The following KLHL32 variants were observed in gnomAD, a reference collection of about 807,000 sequenced individuals.
The protein encoded by KLHL32 is kelch like family member 32, also known as kelch-like protein 32.
KLHL32 carries 35 observed loss-of-function variants against 64.8 expected under a neutral mutation model. That is an observed-to-expected ratio of 0.54 (90% confidence interval 0.41 to 0.72). The LOEUF (loss-of-function observed/expected upper bound fraction) is 0.72, where lower values mean the gene tolerates loss of function less well. Ranked by LOEUF, KLHL32 falls within the 30% of genes least tolerant of loss-of-function variation. The probability of loss-of-function intolerance (pLI) is 0.00; values close to 1 mark genes in which losing one functional copy is unlikely to be tolerated. For missense variants in KLHL32, 589 were observed against 768.5 expected, an observed-to-expected ratio of 0.77 and a Z score of 2.76; for synonymous variants, 259 against 281.0, an observed-to-expected ratio of 0.92 and a Z score of 0.78.
chr6:97,138,894 A>T (rs1800365463), intron 10 of KLHL32, among the ~76,000 whole-genome samples: 2 of 152,234 alleles, frequency 1.3e-5, no homozygotes, highest in African/African-American at 4.8e-5. Flanking sequence ...ATGCTTATAA[A>T]TATACATGTA....
chr6:97,014,307 A>AAC (rs1554217530), intron 3 of KLHL32, among the ~76,000 whole-genome samples: 1 of 151,742 alleles, frequency 6.6e-6, no homozygotes, highest in Admixed American at 6.6e-5. Flanking sequence ...AAAAAAAAAA[A>AAC]AAAGTTTCTT....
chr6:96,940,837 A>G (rs1379673327), intron 1 of KLHL32, among the ~76,000 whole-genome samples: 1 of 152,236 alleles, frequency 6.6e-6, no homozygotes, highest in East Asian at 1.9e-4. Flanking sequence ...TGCCCTGAAT[A>G]CATTCATAGA....
chr6:97,123,217 G>A (rs941026394), intron 7 of KLHL32, among the ~76,000 whole-genome samples: 2 of 152,168 alleles, frequency 1.3e-5, no homozygotes. Context: ...GAGCACTGCC[G>A]GCATTGACCA....
intron 2 of KLHL32, among the ~76,000 whole-genome samples, chr6:96,970,958 A>G (rs946856482): frequency 6.6e-6 from 1 of 152,146 alleles, no homozygotes; most frequent in African/African-American, 2.4e-5. Flanking sequence ...AATTTAAGTG[A>G]TTTAAGATGC....
intron 3 of KLHL32, among the ~76,000 whole-genome samples, chr6:97,027,710 T>C (rs1441932782): frequency 2.6e-5 from 4 of 152,262 alleles, no homozygotes; most frequent in African/African-American, 9.6e-5. Flanking sequence ...TTTTATTTTC[T>C]GTATAGTAAA....
the KLHL32 span, among the ~76,000 whole-genome samples, chr6:96,900,972 T>C: frequency 1.3e-5 from 2 of 152,178 alleles, no homozygotes; most frequent in Non-Finnish European, 2.9e-5. Context: ...TGATGCAGTG[T>C]TTTGGGTCTG....
At chr6:97,048,198 C>T (rs978302206) in intron 4 of KLHL32, among the ~76,000 whole-genome samples, 3 of 152,186 alleles carry the variant, frequency 2.0e-5, no homozygotes, top group Non-Finnish European at 4.4e-5. Context: ...GTCCCCTTTA[C>T]AATTCTCCAC....
Position 96,955,509 on chromosome 6 carries a change from A to T in KLHL32, c.-65-11487A>T, listed in dbSNP as rs573612735. Among the ~76,000 whole-genome samples, 7 of 152,306 alleles carry T rather than the reference A, an allele frequency of 4.6e-5. No homozygotes were observed. The South Asian group carries it at 1.5e-3, about 32-fold the overall frequency. ...TATTTCCTCAAGAGAAAGATGAAAA[A>T]AATATTTTAAATTAATGTTTCCTTA... On this transcript the variant is annotated intron_variant, in intron 1 of 10. Coordinates refer to ENST00000369261, the MANE Select transcript of KLHL32 (RefSeq NM_052904.4).
the KLHL32 span, among the ~76,000 whole-genome samples, chr6:96,899,275 T>G: frequency 6.6e-6 from 1 of 152,188 alleles, no homozygotes; most frequent in African/African-American, 2.4e-5. Context: ...GATTTCTATC[T>G]TTGATACTTT....
chr6:97,073,558 G>A (rs993136304), intron 5 of KLHL32, among the ~76,000 whole-genome samples: 22 of 152,012 alleles, frequency 1.4e-4, no homozygotes, highest in African/African-American at 4.8e-4. Flanking sequence ...GAAACAATTG[G>A]AAAAGTCTTT....
At chr6:97,071,661 C>G (rs1015175582) in intron 5 of KLHL32, among the ~76,000 whole-genome samples, 1 of 152,188 alleles carries the variant, frequency 6.6e-6, no homozygotes, top group Non-Finnish European at 1.5e-5. Context: ...AAGGGACCAT[C>G]ATCTTTCTAG....
At chr6:96,998,566 C>A (rs1456142356) in intron 3 of KLHL32, among the ~76,000 whole-genome samples, 1 of 152,116 alleles carries the variant, frequency 6.6e-6, no homozygotes, top group Admixed American at 6.5e-5. Flanking sequence ...CATTACCCTG[C>A]AGTTGTCTAA....
rs562616535 is a variant in KLHL32, at chr6:96,938,703, C to T, written c.-66+13677C>T. Among the ~76,000 whole-genome samples the T allele has an allele frequency of 7.2e-5, 11 of 152,232 alleles. No individual in the cohort carries two copies. In the South Asian group the frequency reaches 2.3e-3, roughly 32 times the overall value. On this transcript the variant is annotated intron_variant, in intron 1 of 10. Coordinates refer to ENST00000369261, the MANE Select transcript of KLHL32 (RefSeq NM_052904.4). ...GAAATAGACGGGCCTAAGCTTGAAT[C>T]CTGGTTCTTTCATATACAAGTTATT...
chr6:97,015,672 G>A (rs1781066549), intron 3 of KLHL32, among the ~76,000 whole-genome samples: 1 of 152,160 alleles, frequency 6.6e-6, no homozygotes, highest in African/African-American at 2.4e-5. Context: ...CCATTTTCTG[G>A]GGAGACGTTC....
intron 3 of KLHL32, among the ~76,000 whole-genome samples, chr6:96,982,744 C>CTT (rs1562213140): frequency 6.6e-5 from 10 of 151,912 alleles, no homozygotes; most frequent in African/African-American, 1.9e-4. Flanking sequence ...TCCTGAGATG[C>CTT]TGCTGAAGTT....
At chr6:97,108,040 ACCT>A (rs1796644393) in intron 6 of KLHL32, among the ~76,000 whole-genome samples, 2 of 151,872 alleles carry the variant, frequency 1.3e-5, no homozygotes, top group Non-Finnish European at 2.9e-5. Context: ...TGCTTGAGAG[ACCT>A]CCTGTTGTAC....
At chr6:97,116,203 A>G (rs1211439841) in intron 7 of KLHL32, among the ~76,000 whole-genome samples, 2 of 152,254 alleles carry the variant, frequency 1.3e-5, no homozygotes, top group African/African-American at 4.8e-5. Context: ...GCTCTATACC[A>G]AAGAAACATT....
upstream of KLHL32, among the ~76,000 whole-genome samples, chr6:96,923,533 A>G (rs2127982721): frequency 6.6e-6 from 1 of 152,276 alleles, no homozygotes; most frequent in South Asian, 2.1e-4. Flanking sequence ...GAAGCACTAC[A>G]AGCCAGACAG....
intron 3 of KLHL32, among the ~76,000 whole-genome samples, chr6:97,040,534 G>T (rs538310752): frequency 6.6e-6 from 1 of 152,250 alleles, no homozygotes; most frequent in East Asian, 1.9e-4. Context: ...GCCCTGCTTG[G>T]AGTATCAGTT....
Sources: gnomAD v4.1 joint callset for allele counts (sites outside exome capture counted in the v4.1 genomes callset) on GRCh38, gnomAD v4.1.1 for gene constraint, MANE v1.5 for transcripts, NCBI Gene and HGNC (gene_info 2026-07-23, HGNC 2026-07-21) for gene names.